MOXD1: variants seen among roughly 807,000 people sequenced by gnomAD.
MOXD1 encodes the protein monooxygenase DBH like 1, also known as DBH-like monooxygenase protein 1.
A neutral mutation model predicts 66.6 loss-of-function variants in MOXD1; 62 were observed. The observed-to-expected ratio is 0.93, with a 90% CI of 0.76 to 1.15. The LOEUF is 1.15. Among genes scored for constraint, MOXD1 ranks in the 50% most tolerant of loss-of-function variants. The pLI, the probability that MOXD1 is intolerant of heterozygous loss-of-function variation, is 0.00. For missense variants in MOXD1, 847 were observed against 754.6 expected, an observed-to-expected ratio of 1.12 and a Z score of -1.44; for synonymous variants, 303 against 281.9, an observed-to-expected ratio of 1.07 and a Z score of -0.75.
chr6:132,370,763 C>G (rs1562295526), intron 4 of MOXD1, among the ~76,000 whole-genome samples: 2 of 152,084 alleles, frequency 1.3e-5, no homozygotes, highest in Admixed American at 6.6e-5. Flanking sequence ...ATGCAAATGT[C>G]TAGTGAAGAC....
At chr6:132,301,492 T>G (rs1774535546) in intron 10 of MOXD1, among the ~76,000 whole-genome samples, 1 of 152,106 alleles carries the variant, frequency 6.6e-6, no homozygotes, top group Admixed American at 6.6e-5. Flanking sequence ...GAAAAGCAGA[T>G]GGAGAAAAAT....
chr6:132,328,514 G>A lies in MOXD1; in HGVS notation c.744C>T (p.Asp248=). 1.2e-6 allele frequency: 2 copies of A among 1,614,130 alleles called. No individual in the cohort carries two copies. The highest frequency in any genetic ancestry group is 1.7e-6 in the Non-Finnish European group (2 of 1,180,002). Residue 248 remains aspartate, a synonymous_variant, in exon 5 of 12, where the codon GAC becomes GAT. Coordinates refer to ENST00000367963, the MANE Select transcript of MOXD1 (RefSeq NM_015529.4). The part of the protein sequence containing the change: ...LLYQCSNNFN[D]SVLESGHECY... ...ACTCGTGGCCGGACTCCAGAACGCTGTCGTTAAAGTTGTTGCTGCACTGAT... is the reference window on the plus strand; with the variant it reads ...ACTCGTGGCCGGACTCCAGAACGCTATCGTTAAAGTTGTTGCTGCACTGAT...
In MOXD1 at chr6:132,363,109, T is replaced by C. The variant is rs79123272; in HGVS notation, c.663+9499A>G. Among the ~76,000 whole-genome samples, 415 of 152,256 alleles carry C rather than the reference T, an allele frequency of 2.7e-3. 3 individuals are homozygous for C. Among genetic ancestry groups the C allele is most frequent in the Non-Finnish European group, 5.1e-3 (348 of 67,992 alleles). On this transcript the variant is annotated intron_variant, in intron 4 of 11. Coordinates refer to ENST00000367963, the MANE Select transcript of MOXD1 (RefSeq NM_015529.4). ...TGCTCACACAGTCCTGTGTCCTGTG[T>C]CTATGCATTAATTCCGTAGGACTCA...
intron 4 of MOXD1, among the ~76,000 whole-genome samples, chr6:132,368,325 G>A (rs1776186240): frequency 6.6e-6 from 1 of 152,042 alleles, no homozygotes; most frequent in Admixed American, 6.6e-5. Context: ...GTGGGCTGCA[G>A]AGTGGTCTCG....
At chr6:132,340,006 AT>A (rs1775517523) in intron 4 of MOXD1, among the ~76,000 whole-genome samples, 4 of 151,756 alleles carry the variant, frequency 2.6e-5, no homozygotes, top group African/African-American at 7.3e-5. Flanking sequence ...AATAGCTGGG[AT>A]TACAGGCATG....
At chr6:132,343,269 T>C (rs1054764627) in intron 4 of MOXD1, among the ~76,000 whole-genome samples, 1 of 152,064 alleles carries the variant, frequency 6.6e-6, no homozygotes, top group Middle Eastern at 3.2e-3. Flanking sequence ...ATGGGCAAAA[T>C]ACATGAATCA....
intron 10 of MOXD1, among the ~76,000 whole-genome samples, chr6:132,299,367 C>G (rs1029827315): frequency 6.6e-6 from 1 of 152,132 alleles, no homozygotes; most frequent in Non-Finnish European, 1.5e-5. Context: ...TACTCTAAAC[C>G]TCAGTTTCAC....
intron 1 of MOXD1, among the ~76,000 whole-genome samples, chr6:132,399,514 C>T (rs1384609329): frequency 2.0e-5 from 3 of 152,214 alleles, no homozygotes; most frequent in Non-Finnish European, 4.4e-5. Context: ...GGTGAAAACA[C>T]TGTAGTTTAA....
Position 132,296,880 on chromosome 6 carries a change from C to T in MOXD1, c.*273G>A, listed in dbSNP as rs1586044122. The T allele has an allele frequency of 3.8e-6, 1 of 263,564 alleles. No individual in the cohort carries two copies. Among genetic ancestry groups the T allele is most frequent in the Non-Finnish European group, 7.1e-6 (1 of 140,330 alleles). The allele number at this position is 263,564 out of a possible 1,614,324, so 16.3% of individuals were successfully genotyped here. A position where few individuals can be genotyped will look rare whatever the true frequency, so the allele number is the denominator to read the frequency against. On this transcript the variant is annotated 3_prime_UTR_variant, in exon 12 of 12. Coordinates refer to ENST00000367963, the MANE Select transcript of MOXD1 (RefSeq NM_015529.4). ...TAGGAAAGAAAGAATTCTTTTATTC[C>T]CACATGACAGCCCAATTTTTTAAAA... is the stretch of plus-strand genomic sequence containing the variant.
intron 1 of MOXD1, among the ~76,000 whole-genome samples, chr6:132,399,157 G>T (rs916904444): frequency 2.0e-5 from 3 of 152,100 alleles, no homozygotes; most frequent in Admixed American, 6.6e-5. Context: ...TTATTAAACA[G>T]ATTTTAAGTT....
chr6:132,322,581 G>T, intron 8 of MOXD1, 98 bp downstream of exon 8: 3 of 1,231,476 alleles, frequency 2.4e-6, no homozygotes, highest in Non-Finnish European at 3.4e-6. Context: ...CAGATGCAAG[G>T]AAAAATTCAT....
intron 1 of MOXD1, among the ~76,000 whole-genome samples, chr6:132,387,428 C>T (rs1299499572): frequency 1.3e-5 from 2 of 151,074 alleles, no homozygotes; most frequent in African/African-American, 4.8e-5. Flanking sequence ...TTTAAGTCCT[C>T]ATTATGTAAC....
chr6:132,399,484 C>T (rs951466), intron 1 of MOXD1, among the ~76,000 whole-genome samples: 30,635 of 152,106 alleles, frequency 0.2, 3,272 homozygotes, highest in Middle Eastern at 0.26. Flanking sequence ...TATGCAATCT[C>T]TATGAAGAAC....
intron 4 of MOXD1, among the ~76,000 whole-genome samples, chr6:132,349,396 C>CATAT (rs1416652531): frequency 4.8e-5 from 2 of 41,356 alleles, no homozygotes; most frequent in Non-Finnish European, 9.3e-5. Flanking sequence ...TATATATACA[C>CATAT]ATATATATAC....
chr6:132,386,479 T>C (rs1057381594), intron 1 of MOXD1, among the ~76,000 whole-genome samples: 25 of 149,304 alleles, frequency 1.7e-4, no homozygotes, highest in African/African-American at 5.9e-4. Flanking sequence ...TGAAATAATC[T>C]CATAACCATT....
At chr6:132,366,836 A>G (rs1044824174) in intron 4 of MOXD1, among the ~76,000 whole-genome samples, 1 of 152,126 alleles carries the variant, frequency 6.6e-6, no homozygotes, top group Non-Finnish European at 1.5e-5. Flanking sequence ...GGTGCCTACT[A>G]TAGGAAAATC....
chr6:132,343,614 C>A (rs1775608647), intron 4 of MOXD1, among the ~76,000 whole-genome samples: 1 of 151,160 alleles, frequency 6.6e-6, no homozygotes, highest in Non-Finnish European at 1.5e-5. Flanking sequence ...CACATGGTTA[C>A]AAACAGAGAA....
intron 1 of MOXD1, among the ~76,000 whole-genome samples, chr6:132,377,984 C>T (rs1178287527): frequency 1.3e-5 from 2 of 151,888 alleles, no homozygotes; most frequent in African/African-American, 4.8e-5. Context: ...AAAAACTAGC[C>T]GCGCGTGGTG....
chr6:132,396,558 C>A (rs1340664556), intron 1 of MOXD1, among the ~76,000 whole-genome samples: 1 of 150,758 alleles, frequency 6.6e-6, no homozygotes, highest in African/African-American at 2.4e-5. Context: ...AAAACAGAGA[C>A]AAAAAAAATA....
Sources: allele counts gnomAD v4.1 joint callset (sites outside exome capture counted in the v4.1 genomes callset), GRCh38; gene constraint gnomAD v4.1.1; transcripts MANE v1.5; gene names NCBI Gene and HGNC (gene_info 2026-07-23, HGNC 2026-07-21).